Variants in VPS13D observed in about 807,000 individuals in gnomAD.
The protein encoded by VPS13D is vacuolar protein sorting 13 homolog D.
In VPS13D, 187 loss-of-function variants were observed where a neutral mutation model predicts 461.9. The observed-to-expected ratio is 0.40, with a 90% CI of 0.36 to 0.46. VPS13D has a LOEUF of 0.46. Among genes scored for constraint, VPS13D ranks in the 20% least tolerant of loss-of-function variants. VPS13D has a pLI of 0.60. For missense variants in VPS13D, 4,711 were observed against 5,364.9 expected, an observed-to-expected ratio of 0.88 and a Z score of 3.81; for synonymous variants, 1,951 against 1,986.3, an observed-to-expected ratio of 0.98 and a Z score of 0.47.
In VPS13D at chr1:12,358,496, G is replaced by A; in HGVS notation, c.10036G>A (p.Gly3346Ser). The stretch of plus-strand genomic sequence containing the variant: ...AATCGGAAGGGGGATTCATCCAGAA[G>A]GCATGCCGGGCTGGTGTCAGGGCTT... Reference protein sequence around the residue: ...MRIGRGIHPEGMPGWCQGFSL... With the variant: ...MRIGRGIHPESMPGWCQGFSL... Residue 3346 changes from glycine to serine, a missense_variant, in exon 50 of 70, where the codon GGC becomes AGC. Around this residue, in one of 3 missense-constraint regions of VPS13D, gnomAD observed 4,411 missense variants for 4,937.8 expected, o/e 0.89. Coordinates refer to ENST00000620676, the MANE Select transcript of VPS13D (RefSeq NM_015378.4). 1.9e-6 allele frequency: 3 copies of A among 1,614,196 alleles called. No homozygotes were observed. The highest frequency in any genetic ancestry group is 4.5e-5 in the East Asian group (2 of 44,884).
rs371003980 is a variant in VPS13D, at chr1:12,276,622, T to C, written c.3034T>C (p.Tyr1012His). The change falls in exon 19 of 70, where the codon TAT becomes CAT. Residue 1012 changes from tyrosine (Y) to histidine (H), a missense_variant. By Grantham distance (83) the Tyr-to-His change is moderately conservative. Coordinates refer to ENST00000620676, the MANE Select transcript of VPS13D (RefSeq NM_015378.4). The surrounding 1 kb of genome is among the most constrained non-coding windows in gnomAD (Gnocchi z 4.5). Reference sequence around the variant, plus strand: ...GCTCCTGGTGGATACCATGCAGACATATGGTGCTGATTTTGACCTTTTGAT... The same window carrying C: ...GCTCCTGGTGGATACCATGCAGACACATGGTGCTGATTTTGACCTTTTGAT... Reference protein sequence around the residue: ...GLLLVDTMQTYGADFDLLMAS... With the variant: ...GLLLVDTMQTHGADFDLLMAS... 6.8e-6 allele frequency: 11 copies of C among 1,614,084 alleles called. No individual in the cohort carries two copies. In the African/African-American group the frequency reaches 1.3e-4, roughly 20 times the overall value.
chr1:12,381,980 T>TC (rs1644286170), intron 57 of VPS13D, among the ~76,000 whole-genome samples: 1 of 131,184 alleles, frequency 7.6e-6, no homozygotes, highest in African/African-American at 2.9e-5. Context: ...CTTTCTTTCT[T>TC]TCTCTCTCTC....
At position 12,237,063 on chromosome 1, in the gene VPS13D, GTA is replaced by G. The variant is rs141766764; in HGVS notation, c.97+2710_97+2711del. Among the ~76,000 whole-genome samples the G allele has an allele frequency of 6.1e-3, 923 of 151,374 alleles. 12 individuals are homozygous for G. Among genetic ancestry groups the G allele is most frequent in the African/African-American group, 0.022 (886 of 41,188 alleles). The stretch of plus-strand genomic sequence containing the variant: ...GACTTCAAAGAGATTGTGTGTGTGT[GTA>G]TATATATATCTGTGTATGTATATAT... On this transcript the variant is annotated intron_variant, in intron 2 of 69. Transcript: ENST00000620676.
chr1:12,394,954 G>A (rs1430262320), intron 60 of VPS13D, among the ~76,000 whole-genome samples: 4 of 151,926 alleles, frequency 2.6e-5, no homozygotes, highest in Non-Finnish European at 5.9e-5. Context: ...ATCCATTCCC[G>A]TATCTGTTCT....
intron 5 of VPS13D, 46 bp downstream of exon 5, chr1:12,244,663 T>C: frequency 6.4e-7 from 1 of 1,561,036 alleles, no homozygotes. Flanking sequence ...GAAAGGGATT[T>C]CTCAGGTTTA....
chr1:12,349,186 C>A lies in VPS13D; in HGVS notation c.9243C>A (p.Ile3081=). The change falls in exon 46 of 70, where the codon ATC becomes ATA. Residue 3081 remains isoleucine (I), a synonymous_variant. Coordinates refer to ENST00000620676, the MANE Select transcript of VPS13D (RefSeq NM_015378.4). ...CAGAGCCAGTGGTGCTTCCTGCTATCATGCCAGGGGATTCGTTTGCTGTGC... is the reference window on the plus strand; with the variant it reads ...CAGAGCCAGTGGTGCTTCCTGCTATAATGCCAGGGGATTCGTTTGCTGTGC... The part of the protein sequence containing the change: ...APDKPVVLPA[I]MPGDSFAVPL... 1 of 1,613,900 alleles carries A rather than the reference C, an allele frequency of 6.2e-7. No homozygotes were observed. Among genetic ancestry groups the A allele is most frequent in the Non-Finnish European group, 8.5e-7 (1 of 1,180,034 alleles).
intron 12 of VPS13D, 100 bp downstream of exon 12, chr1:12,261,249 G>A (rs1641099656): frequency 7.1e-7 from 1 of 1,412,056 alleles, no homozygotes; most frequent in Non-Finnish European, 9.8e-7. Flanking sequence ...TAGATATTTG[G>A]AGAACAGTTT....
chr1:12,365,072 C>CA (rs1446903603), intron 52 of VPS13D, among the ~76,000 whole-genome samples: 1 of 152,168 alleles, frequency 6.6e-6, no homozygotes, highest in Non-Finnish European at 1.5e-5. Context: ...TTTGACCCTA[C>CA]AGGTGGAAGT....
intron 24 of VPS13D, among the ~76,000 whole-genome samples, chr1:12,298,509 A>T (rs1321393275): frequency 6.6e-6 from 1 of 152,100 alleles, no homozygotes; most frequent in African/African-American, 2.4e-5. Context: ...GCGTTGTGGC[A>T]CGTGCCCGTA....
intron 6 of VPS13D, among the ~76,000 whole-genome samples, chr1:12,251,985 C>T (rs1298954994): frequency 6.6e-6 from 1 of 152,128 alleles, no homozygotes; most frequent in African/African-American, 2.4e-5. Context: ...ATGCGTCTCT[C>T]CTTGTCTAGT....
chr1:12,416,943 T>C lies in VPS13D; in HGVS notation c.12333+116T>C, dbSNP rs552183779. On this transcript the variant is annotated intron_variant, in intron 65 of 69. Transcript: ENST00000620676. ...AGTTATATTCATGGCTTTTGCTTCA[T>C]TGCCCACATGCCTTGCCTTTTCCTC... The C allele has an allele frequency of 1.6e-5, 19 of 1,180,398 alleles. No individual in the cohort carries two copies. The African/African-American group carries it at 3.0e-4, about 19-fold the overall frequency. 73.1% of individuals were successfully genotyped at this position (1,180,398 alleles called of 1,614,324 possible).
In VPS13D at chr1:12,270,949, G is replaced by A. The variant is rs768267366; in HGVS notation, c.1973-45G>A. The A allele has an allele frequency of 1.1e-5, 18 of 1,603,802 alleles. 1 individual carries two copies. The highest frequency in any genetic ancestry group is 3.3e-4 in the Middle Eastern group (2 of 6,018). ...TTGATGTAGCACTTTTGTTCACCCA[G>A]CCGTGTGAAAATTCTGACTCTGCTG... On this transcript the variant is annotated intron_variant, in intron 16 of 69. Coordinates refer to ENST00000620676, the MANE Select transcript of VPS13D (RefSeq NM_015378.4).
chr1:12,488,895 G>C (rs2100514236), intron 67 of VPS13D, among the ~76,000 whole-genome samples: 1 of 152,290 alleles, frequency 6.6e-6, no homozygotes, highest in East Asian at 1.9e-4. Flanking sequence ...CTCTGACTCA[G>C]AATGTTCTAC....
intron 65 of VPS13D, among the ~76,000 whole-genome samples, chr1:12,450,324 A>G (rs532046872): frequency 1.8e-4 from 27 of 152,256 alleles, no homozygotes; most frequent in African/African-American, 6.3e-4. Context: ...TTAGAGGCAC[A>G]ATAGATAGTT....
intron 24 of VPS13D, among the ~76,000 whole-genome samples, chr1:12,294,347 A>G (rs1361518508): frequency 1.3e-5 from 2 of 152,236 alleles, no homozygotes; most frequent in African/African-American, 2.4e-5. Flanking sequence ...TCCTGTCCAC[A>G]TTTATCTTCT....
intron 2 of VPS13D, 63 bp downstream of exon 2, chr1:12,234,426 T>G (rs918195893): frequency 2.1e-6 from 3 of 1,404,352 alleles, no homozygotes; most frequent in Admixed American, 3.7e-5. Flanking sequence ...GTATTTTTTT[T>G]GTTGTCCTGA....
chr1:12,244,676 CG>C lies in VPS13D; in HGVS notation c.447+60del, dbSNP rs375913984. The C allele has an allele frequency of 3.2e-4, 471 of 1,488,318 alleles. 2 individuals carry two copies. The highest frequency in any genetic ancestry group is 3.9e-4 in the African/African-American group (28 of 72,218). The allele number at this position is 1,488,318 out of a possible 1,614,324, so 92.2% of individuals were successfully genotyped here. ...GTGAAAGGGATTTCTCAGGTTTAAA[CG>C]TGTTTCTCCTCTTAGTTTCTCATTT... On this transcript the variant is annotated intron_variant, in intron 5 of 69. Transcript: ENST00000620676.
chr1:12,255,135 G>C (rs568575928), intron 7 of VPS13D, among the ~76,000 whole-genome samples: 27 of 151,976 alleles, frequency 1.8e-4, no homozygotes, highest in Middle Eastern at 3.4e-3. Flanking sequence ...TAGTAGAGAC[G>C]AGGTTTCGCC....
At chr1:12,359,369 C>A (rs892488061) in intron 50 of VPS13D, among the ~76,000 whole-genome samples, 6 of 152,084 alleles carry the variant, frequency 3.9e-5, no homozygotes, top group Non-Finnish European at 8.8e-5. Context: ...TCCTGTAGAA[C>A]TTTCTGTGAT....
Sources: gnomAD v4.1 joint callset for allele counts (sites outside exome capture counted in the v4.1 genomes callset) on GRCh38, gnomAD v4.1.1 for gene constraint, gnomAD v4.1.1 regional missense constraint, Gnocchi (gnomAD v3.1) non-coding constraint, MANE v1.5 for transcripts, NCBI Gene and HGNC (gene_info 2026-07-23, HGNC 2026-07-21) for gene names.